TMPRSS13: variants seen among roughly 807,000 people sequenced by gnomAD.
TMPRSS13 encodes the protein transmembrane protease serine 13.
TMPRSS13 carries 50 observed loss-of-function variants against 68.4 expected under a neutral mutation model. The observed-to-expected ratio is 0.73, with a 90% CI of 0.58 to 0.93. The LOEUF (loss-of-function observed/expected upper bound fraction) is 0.93. Ranked by LOEUF, TMPRSS13 falls within the 40% of genes least tolerant of loss-of-function variation. The probability of loss-of-function intolerance (pLI) is 0.00; values close to 1 mark genes in which losing one functional copy is unlikely to be tolerated. For synonymous variants in TMPRSS13, 267 were observed against 285.8 expected (o/e 0.93, Z 0.66); for missense variants, 615 against 729.2 (o/e 0.84, Z 1.80).
In TMPRSS13 at chr11:117,917,044, C is replaced by A. The variant is rs1455351152; in HGVS notation, c.556+126G>T. The A allele has an allele frequency of 3.8e-6, 3 of 799,472 alleles. No individual in the cohort carries two copies. The African/African-American group carries it at 5.1e-5, about 14-fold the overall frequency. The allele number at this position is 799,472 out of a possible 1,614,324, so 49.5% of individuals were successfully genotyped here. Reference sequence around the variant, plus strand: ...CAAGGCCATTTGCAGGAGTGTCCCTCTCTGGACACAGTAGCCGGGTGAGTG... The same window carrying A: ...CAAGGCCATTTGCAGGAGTGTCCCTATCTGGACACAGTAGCCGGGTGAGTG... On this transcript the variant is annotated intron_variant, in intron 3 of 12. Transcript: ENST00000524993.
chr11:117,910,020 T>C lies in TMPRSS13; in HGVS notation c.947-52A>G, dbSNP rs1029328092. 1.4e-5 allele frequency: 23 copies of C among 1,592,126 alleles called. No homozygotes were observed. In the African/African-American group the frequency reaches 2.5e-4, roughly 18 times the overall value. Reference sequence around the variant, plus strand: ...GAACCCTGTTTCTCCCAGGGTTCTTTCCGAGCTCCTGATCAGGATGCCTCT... The same window carrying C: ...GAACCCTGTTTCTCCCAGGGTTCTTCCCGAGCTCCTGATCAGGATGCCTCT... On this transcript the variant is annotated intron_variant, in intron 7 of 12. Coordinates refer to ENST00000524993, the MANE Select transcript of TMPRSS13 (RefSeq NM_001077263.3).
chr11:117,907,564 G>T (rs1490906993), intron 9 of TMPRSS13: 1 of 152,914 alleles, frequency 6.5e-6, no homozygotes, highest in Non-Finnish European at 1.5e-5. Flanking sequence ...CAGAAATCCC[G>T]GTACTCCTCC....
intron 9 of TMPRSS13, among the ~76,000 whole-genome samples, chr11:117,906,752 A>G (rs577959205): frequency 6.6e-6 from 1 of 152,288 alleles, no homozygotes; most frequent in African/African-American, 2.4e-5. Flanking sequence ...TGAGATGTAA[A>G]GTTTTAAAAA....
intron 10 of TMPRSS13, among the ~76,000 whole-genome samples, chr11:117,904,420 G>T (rs574839075): frequency 1.4e-4 from 21 of 152,310 alleles, no homozygotes; most frequent in African/African-American, 4.6e-4. Context: ...AGCACCCTCA[G>T]ATACATGGCT....
intron 7 of TMPRSS13, 54 bp from the exon 8 acceptor site, chr11:117,910,022 C>T (rs1267209833): frequency 1.4e-5 from 23 of 1,590,510 alleles, no homozygotes; most frequent in Middle Eastern, 1.7e-4. Flanking sequence ...GGGTTCTTTC[C>T]GAGCTCCTGA....
At chr11:117,924,991 T>G (rs887677738) in intron 1 of TMPRSS13, among the ~76,000 whole-genome samples, 11 of 152,216 alleles carry the variant, frequency 7.2e-5, no homozygotes, top group Non-Finnish European at 1.5e-5. Flanking sequence ...GCCTCGCTTC[T>G]GCTCCTAGGC....
intron 6 of TMPRSS13, 23 bp downstream of exon 6, chr11:117,911,745 G>A: frequency 6.2e-7 from 1 of 1,603,980 alleles, no homozygotes; most frequent in Non-Finnish European, 8.5e-7. Flanking sequence ...TCACAAACAG[G>A]CAGCCTGCCT....
chr11:117,907,802 G>A, intron 9 of TMPRSS13: 1 of 985,348 alleles, frequency 1.0e-6, no homozygotes, highest in Non-Finnish European at 1.2e-6. Flanking sequence ...TCTACTGGTC[G>A]TCTTGGTGTA....
chr11:117,904,926 C>CCA (rs570860182), intron 10 of TMPRSS13, among the ~76,000 whole-genome samples: 70 of 140,824 alleles, frequency 5.0e-4, no homozygotes, highest in Middle Eastern at 3.7e-3. Context: ...ACGGGTTTCA[C>CCA]TCTGTCACCC....
At chr11:117,926,754 C>T (rs2057711517) in intron 1 of TMPRSS13, among the ~76,000 whole-genome samples, 1 of 152,202 alleles carries the variant, frequency 6.6e-6, no homozygotes, top group South Asian at 2.1e-4. Flanking sequence ...GTCCAACCCT[C>T]TTCTTTGGTG....
chr11:117,913,739 C>T (rs776968342), intron 5 of TMPRSS13, 38 bp downstream of exon 5: 1 of 1,609,474 alleles, frequency 6.2e-7, no homozygotes, highest in Admixed American at 1.7e-5. Context: ...CCTGAGACAT[C>T]CCTGAAGCCT....
chr11:117,918,532 CTGACCTGGCGGATGA>C lies in TMPRSS13; in HGVS notation c.313_327del (p.Ser105_Ser109del), dbSNP rs767170827. 13 of 1,614,130 alleles carry C rather than the reference CTGACCTGGCGGATGA, an allele frequency of 8.1e-6. No homozygotes were observed. In the South Asian group the frequency reaches 9.9e-5, roughly 12 times the overall value. On this transcript the variant is annotated inframe_deletion, in exon 2 of 13. Coordinates refer to ENST00000524993, the MANE Select transcript of TMPRSS13 (RefSeq NM_001077263.3). ...CTGGTTGGGGAGGTTGTCACCGAGG[CTGACCTGGCGGATGA>C]TGACCTGCCGGATGAGGACCTGGAA...
chr11:117,921,365 G>A (rs758869543), intron 1 of TMPRSS13, among the ~76,000 whole-genome samples: 2 of 152,146 alleles, frequency 1.3e-5, no homozygotes, highest in African/African-American at 4.8e-5. Context: ...ACAAGGACCC[G>A]GGGCTCAGAG....
chr11:117,907,224 T>C (rs2057471792), intron 9 of TMPRSS13, among the ~76,000 whole-genome samples: 1 of 152,104 alleles, frequency 6.6e-6, no homozygotes, highest in South Asian at 2.1e-4. Flanking sequence ...CCTTCTTGTG[T>C]GCTGAGCGGC....
At position 117,901,949 on chromosome 11, in the gene TMPRSS13, C is replaced by A; in HGVS notation, c.*290G>T. ...CCTCCTCCATCCATCTATGGACACT[C>A]CTGTAGGAACATCCACGGTACTCAA... On this transcript the variant is annotated 3_prime_UTR_variant, in exon 13 of 13. Coordinates refer to ENST00000524993, the MANE Select transcript of TMPRSS13 (RefSeq NM_001077263.3). The A allele has an allele frequency of 2.0e-6, 1 of 507,228 alleles. No individual in the cohort carries two copies. The highest frequency in any genetic ancestry group is 3.6e-6 in the Non-Finnish European group (1 of 279,246). The allele number at this position is 507,228 out of a possible 1,614,324, so 31.4% of individuals were successfully genotyped here.
chr11:117,920,553 C>T (rs940075924), intron 1 of TMPRSS13, among the ~76,000 whole-genome samples: 5 of 152,062 alleles, frequency 3.3e-5, no homozygotes, highest in African/African-American at 7.2e-5. Flanking sequence ...AGTGCAGTGC[C>T]GCGATCTTGG....
chr11:117,919,637 A>T (rs1171890323), intron 1 of TMPRSS13, among the ~76,000 whole-genome samples: 1 of 152,268 alleles, frequency 6.6e-6, no homozygotes, highest in Non-Finnish European at 1.5e-5. Flanking sequence ...CGGGACAATA[A>T]AATACTAATC....
intron 6 of TMPRSS13, among the ~76,000 whole-genome samples, chr11:117,911,496 G>C (rs1260338125): frequency 6.6e-6 from 1 of 152,178 alleles, no homozygotes; most frequent in Non-Finnish European, 1.5e-5. Flanking sequence ...GTGGTCCCAA[G>C]GTTCATGAAT....
rs2057654237 is a variant in TMPRSS13, at chr11:117,922,021, A to G, written c.22-3183T>C. 1.3e-5 allele frequency among the ~76,000 whole-genome samples: 2 copies of G among 152,178 alleles called. No homozygotes were observed. Reference sequence around the variant, plus strand: ...GGATCATCTGAGTAAGAGATTCCACACCAACCTTCTTTAGGCACTTCACGG... The same window carrying G: ...GGATCATCTGAGTAAGAGATTCCACGCCAACCTTCTTTAGGCACTTCACGG... On this transcript the variant is annotated intron_variant, in intron 1 of 12. Coordinates refer to ENST00000524993, the MANE Select transcript of TMPRSS13 (RefSeq NM_001077263.3). This position sits in a 1 kb window ranked among gnomAD's most constrained non-coding sequence, Gnocchi z 4.2.
Sources: allele counts gnomAD v4.1 joint callset (sites outside exome capture counted in the v4.1 genomes callset), GRCh38; gene constraint gnomAD v4.1.1; non-coding constraint Gnocchi (gnomAD v3.1); transcripts MANE v1.5; gene names NCBI Gene and HGNC (gene_info 2026-07-23, HGNC 2026-07-21).